The following PAPPA variants were observed in gnomAD, a reference collection of about 807,000 sequenced individuals.
The protein encoded by PAPPA is pappalysin 1, also known as pappalysin-1.
Under a neutral mutation model 164.0 loss-of-function variants are expected in PAPPA, and 60 were observed. The ratio of observed to expected loss-of-function variants is 0.37; its 90% CI spans 0.30 to 0.45. PAPPA has a LOEUF of 0.45. Ranked by LOEUF, PAPPA falls within the 20% of genes least tolerant of loss-of-function variation. The pLI is 1.00. For missense variants in PAPPA, 1,782 were observed against 2,087.3 expected, an observed-to-expected ratio of 0.85 and a Z score of 2.85; for synonymous variants, 875 against 814.1, an observed-to-expected ratio of 1.07 and a Z score of -1.27.
At chr9:116,236,834 C>T (rs1271673341) in intron 7 of PAPPA, among the ~76,000 whole-genome samples, 4 of 152,174 alleles carry the variant, frequency 2.6e-5, no homozygotes, top group African/African-American at 9.7e-5. Flanking sequence ...TGTGAAGTCA[C>T]TTGTCCAAGA....
chr9:116,360,744 A>G (rs554558649), intron 17 of PAPPA, among the ~76,000 whole-genome samples: 4 of 152,294 alleles, frequency 2.6e-5, no homozygotes, highest in African/African-American at 9.6e-5. Context: ...AAAAATATCT[A>G]TTAAGTGATG....
chr9:116,238,812 A>C (rs1226120543), intron 7 of PAPPA, among the ~76,000 whole-genome samples: 1 of 152,140 alleles, frequency 6.6e-6, no homozygotes, highest in Non-Finnish European at 1.5e-5. Context: ...TGAGACTGAA[A>C]AAAGAGAAAC....
chr9:116,243,621 C>T (rs1318474575), intron 7 of PAPPA, among the ~76,000 whole-genome samples: 2 of 152,114 alleles, frequency 1.3e-5, no homozygotes, highest in Non-Finnish European at 2.9e-5. Context: ...TGACAAAGGA[C>T]AAGATGGTAT....
intron 10 of PAPPA, among the ~76,000 whole-genome samples, chr9:116,317,563 A>C (rs1323532197): frequency 6.6e-6 from 1 of 152,172 alleles, no homozygotes; most frequent in Non-Finnish European, 1.5e-5. Flanking sequence ...TCAGTGTCTA[A>C]ATCTCAGTCA....
At chr9:116,375,105 C>T (rs1306951605) in intron 19 of PAPPA, among the ~76,000 whole-genome samples, 1 of 152,190 alleles carries the variant, frequency 6.6e-6, no homozygotes, top group East Asian at 1.9e-4. Flanking sequence ...ACCATCTCAA[C>T]AAGTCTATGA....
chr9:116,162,267 G>A (rs569010690), intron 1 of PAPPA, among the ~76,000 whole-genome samples: 11 of 152,296 alleles, frequency 7.2e-5, no homozygotes, highest in African/African-American at 2.6e-4. Flanking sequence ...CCCTGTTTAT[G>A]AGAATTTCAT....
chr9:116,255,404 A>G (rs1185326440), intron 7 of PAPPA, among the ~76,000 whole-genome samples: 8 of 152,096 alleles, frequency 5.3e-5, no homozygotes, highest in Non-Finnish European at 1.0e-4. Context: ...TTGGTAAAGT[A>G]ACTAAACTAA....
At chr9:116,334,600 G>A (rs889331322) in intron 12 of PAPPA, among the ~76,000 whole-genome samples, 2 of 152,104 alleles carry the variant, frequency 1.3e-5, no homozygotes, top group African/African-American at 4.8e-5. Context: ...CCATTTGGGG[G>A]AGGGAGAGGG....
At position 116,207,460 on chromosome 9, in the gene PAPPA, TA is replaced by T; in HGVS notation, c.1484del (p.Tyr495SerfsTer7). On this transcript the variant is annotated frameshift_variant, in exon 3 of 22. Transcript: ENST00000328252. LOFTEE classifies it high-confidence loss of function. ...AAGGTTCTTTTTCTGTTTCAGAGCC[TA>T]CTTGGATGTTAATGAGCTGAAGAAC... ...CFDPDSPHRA[Y>X]LDVNELKNIL... The T allele has an allele frequency of 6.2e-7, 1 of 1,610,402 alleles. No homozygotes were observed. The highest frequency in any genetic ancestry group is 8.5e-7 in the Non-Finnish European group (1 of 1,178,124).
intron 1 of PAPPA, among the ~76,000 whole-genome samples, chr9:116,165,473 G>A (rs1325167215): frequency 6.6e-6 from 1 of 152,040 alleles, no homozygotes; most frequent in East Asian, 1.9e-4. Context: ...TCCTTATAAT[G>A]TTTATAGACA....
intron 17 of PAPPA, among the ~76,000 whole-genome samples, chr9:116,357,170 T>C (rs1846365224): frequency 1.3e-5 from 2 of 152,342 alleles, no homozygotes; most frequent in Non-Finnish European, 2.9e-5. Flanking sequence ...GCCAGGCAAA[T>C]GATGACCACT....
intron 7 of PAPPA, among the ~76,000 whole-genome samples, 160 bp downstream of exon 7, chr9:116,235,797 AGAG>A (rs1844657866): frequency 6.6e-6 from 1 of 152,088 alleles, no homozygotes; most frequent in Non-Finnish European, 1.5e-5. Context: ...TTAACATGGC[AGAG>A]TTGATATCAT....
intron 8 of PAPPA, among the ~76,000 whole-genome samples, chr9:116,267,881 C>CAAAAAA (rs61670954): frequency 1.1e-3 from 63 of 57,528 alleles, no homozygotes; most frequent in Non-Finnish European, 1.5e-3. Context: ...GACTCCGTCT[C>CAAAAAA]AAAAAAAAAA....
At chr9:116,328,744 T>G (rs181688204) in intron 10 of PAPPA, among the ~76,000 whole-genome samples, 216 of 152,332 alleles carry the variant, frequency 1.4e-3, no homozygotes, top group Non-Finnish European at 2.5e-3. Flanking sequence ...CTTCTCTACA[T>G]CATGATCCCC....
intron 14 of PAPPA, among the ~76,000 whole-genome samples, chr9:116,345,010 T>C (rs1407685776): frequency 6.6e-6 from 1 of 152,222 alleles, no homozygotes; most frequent in East Asian, 1.9e-4. Context: ...TTGGAATGAA[T>C]ATCTTACAGT....
chr9:116,279,444 C>T (rs191328355), intron 9 of PAPPA, among the ~76,000 whole-genome samples: 33 of 152,152 alleles, frequency 2.2e-4, no homozygotes, highest in African/African-American at 7.2e-4. Flanking sequence ...CTTTGGAAAC[C>T]CGGGAGGCCT....
rs74867470 is a variant in PAPPA, at chr9:116,374,149, G to A, written c.4606-3427G>A. On this transcript the variant is annotated intron_variant, in intron 19 of 21. Transcript: ENST00000328252. ...TAAAAAGAAGATGGTGCAGATGATG[G>A]TGGTAGTGTTGGTGGTGGTGTTGAT... 3.4e-3 allele frequency among the ~76,000 whole-genome samples: 230 copies of A among 67,208 alleles called. 2 individuals are homozygous for A. Among genetic ancestry groups the A allele is most frequent in the East Asian group, 0.019 (54 of 2,808 alleles). The allele number at this position is 67,208 out of a possible 152,430, so 44.1% of individuals were successfully genotyped here.
At chr9:116,288,747 A>G (rs976950223) in intron 9 of PAPPA, 1 of 151,982 alleles carries the variant, frequency 6.6e-6, no homozygotes, top group Non-Finnish European at 1.5e-5. Flanking sequence ...CAGCTTGGAG[A>G]TAGAAGACAC....
intron 7 of PAPPA, among the ~76,000 whole-genome samples, chr9:116,243,251 CA>C (rs1448909523): frequency 1.3e-5 from 2 of 152,198 alleles, no homozygotes; most frequent in African/African-American, 2.4e-5. Context: ...CAATAGGTAA[CA>C]AAAACCAGCC....
Sources: allele counts gnomAD v4.1 joint callset (sites outside exome capture counted in the v4.1 genomes callset), GRCh38; gene constraint gnomAD v4.1.1; transcripts MANE v1.5; gene names NCBI Gene and HGNC (gene_info 2026-07-23, HGNC 2026-07-21).